The following CDC42SE2 variants were observed in gnomAD, a reference collection of about 807,000 sequenced individuals.
CDC42SE2 encodes CDC42 small effector 2, also known as CDC42 small effector protein 2.
CDC42SE2 carries 3 observed loss-of-function variants against 11.5 expected under a neutral mutation model. The ratio of observed to expected loss-of-function variants is 0.26; its 90% CI spans 0.12 to 0.67. CDC42SE2 has a LOEUF of 0.67. Ranked by LOEUF, CDC42SE2 falls within the 30% of genes least tolerant of loss-of-function variation. CDC42SE2 has a pLI of 0.80. For missense variants in CDC42SE2, 82 were observed against 106.8 expected (o/e 0.77, Z 1.02); for synonymous variants, 33 against 34.8 (o/e 0.95, Z 0.18).
intron 2 of CDC42SE2, among the ~76,000 whole-genome samples, chr5:131,320,216 C>T (rs1758157284): frequency 6.7e-6 from 1 of 148,728 alleles, no homozygotes; most frequent in Admixed American, 6.7e-5. Flanking sequence ...GAAACCCTGT[C>T]TCTACTAAAA....
At chr5:131,211,634 C>A in the CDC42SE2 span, among the ~76,000 whole-genome samples, 1 of 152,126 alleles carries the variant, frequency 6.6e-6, no homozygotes, top group Non-Finnish European at 1.5e-5. Flanking sequence ...TTTGTGCATG[C>A]CTTTGCTAGG....
In CDC42SE2 at chr5:131,382,431, A is replaced by C. The variant is rs75530798; in HGVS notation, c.55-3112A>C. ...AACTCAACAGAATAAATCACTTAAT[A>C]TGGAGGTATAGACCAAGTGGAGCCT... On this transcript the variant is annotated intron_variant, in intron 3 of 4. Transcript: ENST00000505065. Among the ~76,000 whole-genome samples the C allele has an allele frequency of 2.0e-3, 301 of 152,320 alleles. 1 individual carries two copies. Among genetic ancestry groups the C allele is most frequent in the African/African-American group, 7.0e-3 (290 of 41,586 alleles).
intron 1 of CDC42SE2, among the ~76,000 whole-genome samples, chr5:131,306,865 T>A (rs984736990): frequency 6.6e-6 from 1 of 152,122 alleles, no homozygotes; most frequent in African/African-American, 2.4e-5. Flanking sequence ...GTGAATAGAA[T>A]TGATTTCTTA....
At chr5:131,360,399 C>T (rs1220573186) in intron 3 of CDC42SE2, among the ~76,000 whole-genome samples, 1 of 152,216 alleles carries the variant, frequency 6.6e-6, no homozygotes, top group African/African-American at 2.4e-5. Context: ...GGATTACAGG[C>T]GTGAGCCACT....
Position 131,392,080 on chromosome 5 carries a change from A to G in CDC42SE2, c.*989A>G, listed in dbSNP as rs1266474144. 1 of 152,602 alleles carries G rather than the reference A, an allele frequency of 6.6e-6. No individual in the cohort carries two copies. The highest frequency in any genetic ancestry group is 1.5e-5 in the Non-Finnish European group (1 of 68,034). 9.5% of individuals were successfully genotyped at this position (152,602 alleles called of 1,614,324 possible). On this transcript the variant is annotated 3_prime_UTR_variant, in exon 5 of 5. Transcript: ENST00000505065. ...TCTTTGGATTGTCACTGAATTTTCA[A>G]TGTTTAATCAGTATGGATCTGATCT... is the stretch of plus-strand genomic sequence containing the variant.
Position 131,391,182 on chromosome 5 carries a change from T to G in CDC42SE2, c.*91T>G. 1 of 496,194 alleles carries G rather than the reference T, an allele frequency of 2.0e-6. No individual in the cohort carries two copies. The highest frequency in any genetic ancestry group is 3.1e-6 in the Non-Finnish European group (1 of 318,404). 30.7% of individuals were successfully genotyped at this position (496,194 alleles called of 1,614,324 possible). A position where few individuals can be genotyped will look rare whatever the true frequency, so the allele number is the denominator to read the frequency against. On this transcript the variant is annotated 3_prime_UTR_variant, in exon 5 of 5. Transcript: ENST00000505065. ...GCCAATAATAGTAAATATATGTATA[T>G]ATATATAATTTTTTAATGGTGAACT...
At chr5:131,266,392 A>T (rs1219340925) in intron 1 of CDC42SE2, among the ~76,000 whole-genome samples, 5 of 151,862 alleles carry the variant, frequency 3.3e-5, no homozygotes, top group Non-Finnish European at 5.9e-5. Context: ...ATACATTGTT[A>T]AAGATAATGT....
At chr5:131,320,885 A>G (rs768873737) in intron 2 of CDC42SE2, among the ~76,000 whole-genome samples, 1 of 152,048 alleles carries the variant, frequency 6.6e-6, no homozygotes, top group Non-Finnish European at 1.5e-5. Context: ...GGAGAAAATT[A>G]TTTTTTTTCT....
At chr5:131,328,302 T>C (rs558797713) in intron 2 of CDC42SE2, among the ~76,000 whole-genome samples, 1 of 152,212 alleles carries the variant, frequency 6.6e-6, no homozygotes, top group African/African-American at 2.4e-5. Context: ...TCTTTTACTT[T>C]TGGCATTACT....
At chr5:131,279,950 C>T (rs1757204345) in intron 1 of CDC42SE2, among the ~76,000 whole-genome samples, 1 of 152,060 alleles carries the variant, frequency 6.6e-6, no homozygotes, top group African/African-American at 2.4e-5. Flanking sequence ...GTGTTTATGA[C>T]CCCAGCTCCT....
chr5:131,346,527 G>T (rs1280245870), intron 2 of CDC42SE2, among the ~76,000 whole-genome samples: 1 of 152,144 alleles, frequency 6.6e-6, no homozygotes, highest in Non-Finnish European at 1.5e-5. Flanking sequence ...CCTACAAAGA[G>T]ACTTAGATTC....
At chr5:131,222,921 CT>C in the CDC42SE2 span, among the ~76,000 whole-genome samples, 2 of 152,206 alleles carry the variant, frequency 1.3e-5, no homozygotes, top group Non-Finnish European at 2.9e-5. Flanking sequence ...AAGCTTTCAG[CT>C]TTGTCCTAGA....
intron 1 of CDC42SE2, among the ~76,000 whole-genome samples, chr5:131,266,459 T>TC (rs1756866352): frequency 6.6e-6 from 1 of 150,842 alleles, no homozygotes; most frequent in Non-Finnish European, 1.5e-5. Context: ...CTTTTTTTTT[T>TC]CTTTTTTTTT....
At chr5:131,220,851 C>A in the CDC42SE2 span, among the ~76,000 whole-genome samples, 1 of 151,064 alleles carries the variant, frequency 6.6e-6, no homozygotes, top group Admixed American at 6.6e-5. Flanking sequence ...GTCTGCCAAA[C>A]CAAAACGTCT....
chr5:131,283,785 G>C (rs764808850), intron 1 of CDC42SE2, among the ~76,000 whole-genome samples: 1 of 152,114 alleles, frequency 6.6e-6, no homozygotes, highest in African/African-American at 2.4e-5. Context: ...GAGCCACTGC[G>C]CCAGGCCCAT....
chr5:131,333,924 C>G (rs562868273), intron 2 of CDC42SE2, among the ~76,000 whole-genome samples: 87 of 152,310 alleles, frequency 5.7e-4, no homozygotes, highest in Non-Finnish European at 9.1e-4. Context: ...GACAATTTGA[C>G]TTCCTCTTTT....
chr5:131,311,963 C>G (rs539418799), intron 1 of CDC42SE2, among the ~76,000 whole-genome samples: 14 of 152,326 alleles, frequency 9.2e-5, no homozygotes, highest in African/African-American at 3.4e-4. Context: ...CATTCCCTGT[C>G]CAGCTTTGTT....
Position 131,295,594 on chromosome 5 carries a change from AC to A in CDC42SE2, c.-454-20381del, listed in dbSNP as rs1757554432. Among the ~76,000 whole-genome samples, 5 of 152,316 alleles carry A rather than the reference AC, an allele frequency of 3.3e-5. No homozygotes were observed. The South Asian group carries it at 1.0e-3, about 32-fold the overall frequency. On this transcript the variant is annotated intron_variant, in intron 1 of 4. Coordinates refer to ENST00000505065, the MANE Select transcript of CDC42SE2 (RefSeq NM_001375635.1). The stretch of plus-strand genomic sequence containing the variant: ...TATTTTTATAAATGCATGGAATCTT[AC>A]TGGAAAAACATAGAATAAACTAGTA...
upstream of CDC42SE2, among the ~76,000 whole-genome samples, chr5:131,260,905 GC>G (rs1280710767): frequency 2.0e-5 from 3 of 152,322 alleles, no homozygotes; most frequent in East Asian, 5.8e-4. Context: ...TTGCACTCCA[GC>G]CTGGAAAACA....
Sources: allele counts gnomAD v4.1 joint callset (sites outside exome capture counted in the v4.1 genomes callset), GRCh38; gene constraint gnomAD v4.1.1; transcripts MANE v1.5; gene names NCBI Gene and HGNC (gene_info 2026-07-23, HGNC 2026-07-21).